Variants in LRP1B observed in about 807,000 individuals in gnomAD.
LRP1B encodes low-density lipoprotein receptor-related protein 1B.
In LRP1B, 217 loss-of-function variants were observed where a neutral mutation model predicts 556.6. That is an observed-to-expected ratio of 0.39 (90% CI 0.35 to 0.44). LRP1B has a LOEUF of 0.44. Ranked by LOEUF, LRP1B falls within the 20% of genes least tolerant of loss-of-function variation. The pLI is 1.00. For missense variants in LRP1B, 5,053 were observed against 5,620.8 expected, an observed-to-expected ratio of 0.90 and a Z score of 3.23; for synonymous variants, 2,047 against 1,865.8, an observed-to-expected ratio of 1.10 and a Z score of -2.50.
At chr2:141,688,251 A>G (rs948142915) in intron 2 of LRP1B, among the ~76,000 whole-genome samples, 1 of 151,676 alleles carries the variant, frequency 6.6e-6, no homozygotes, top group African/African-American at 2.4e-5. Flanking sequence ...TATTACACAG[A>G]CATAGGCTAT....
At chr2:141,556,221 T>C (rs1685956990) in intron 2 of LRP1B, among the ~76,000 whole-genome samples, 2 of 151,894 alleles carry the variant, frequency 1.3e-5, no homozygotes, top group African/African-American at 4.8e-5. Flanking sequence ...GACAATTAGC[T>C]GTACTTCCTT....
intron 2 of LRP1B, among the ~76,000 whole-genome samples, chr2:141,599,391 C>T (rs1317225430): frequency 4.6e-5 from 7 of 151,870 alleles, no homozygotes; most frequent in African/African-American, 1.2e-4. Context: ...ATCTTGATAA[C>T]GCAGATTTTA....
At position 140,960,754 on chromosome 2, in the gene LRP1B, T is replaced by C. The variant is rs1352686238; in HGVS notation, c.2888-8814A>G. On this transcript the variant is annotated intron_variant, in intron 18 of 90. Transcript: ENST00000389484. ...CTAAAAGTAAGATGTCCTAATATTT[T>C]ATTGAACTCCAATATATGATTATTT... 2.0e-5 allele frequency among the ~76,000 whole-genome samples: 3 copies of C among 151,952 alleles called. No individual in the cohort carries two copies. In the East Asian group the frequency reaches 5.8e-4, roughly 29 times the overall value.
intron 81 of LRP1B, among the ~76,000 whole-genome samples, chr2:140,323,320 A>AC (rs896351749): frequency 6.6e-5 from 10 of 151,988 alleles, no homozygotes; most frequent in African/African-American, 2.4e-5. Flanking sequence ...AGGGAGACTA[A>AC]CAATAAGTCA....
intron 1 of LRP1B, among the ~76,000 whole-genome samples, chr2:141,815,582 C>T (rs947328259): frequency 6.6e-6 from 1 of 152,018 alleles, no homozygotes; most frequent in African/African-American, 2.4e-5. Context: ...CCAATCAGCA[C>T]TCTGTAAAAT....
intron 2 of LRP1B, among the ~76,000 whole-genome samples, chr2:141,620,786 T>C (rs1341382959): frequency 6.6e-6 from 1 of 152,160 alleles, no homozygotes; most frequent in African/African-American, 2.4e-5. Context: ...GAAGACACCT[T>C]TTCAGAACCC....
chr2:141,585,775 TTAAA>T (rs1687115628), intron 2 of LRP1B, among the ~76,000 whole-genome samples: 1 of 152,198 alleles, frequency 6.6e-6, no homozygotes, highest in African/African-American at 2.4e-5. Context: ...AACAAATAAC[TTAAA>T]TAAATTTTCT....
At chr2:141,951,834 A>G (rs892679335) in intron 1 of LRP1B, among the ~76,000 whole-genome samples, 5 of 152,136 alleles carry the variant, frequency 3.3e-5, no homozygotes, top group African/African-American at 1.2e-4. Flanking sequence ...AAAGTTCAGA[A>G]GAATTTTTTT....
At chr2:140,657,596 T>TAC (rs1372237097) in intron 41 of LRP1B, among the ~76,000 whole-genome samples, 17 of 141,578 alleles carry the variant, frequency 1.2e-4, no homozygotes, top group Admixed American at 2.2e-4. Flanking sequence ...CATACATACA[T>TAC]ATATATACAT....
chr2:141,791,812 GTTAA>G (rs1178056703), intron 2 of LRP1B, among the ~76,000 whole-genome samples: 2 of 152,036 alleles, frequency 1.3e-5, no homozygotes, highest in Admixed American at 6.6e-5. Context: ...AATTGTAATG[GTTAA>G]TTAATTAATT....
chr2:141,858,610 T>C (rs866727649), intron 1 of LRP1B, among the ~76,000 whole-genome samples: 3 of 152,048 alleles, frequency 2.0e-5, no homozygotes, highest in African/African-American at 7.2e-5. Context: ...CTATTACTGT[T>C]ATTTTTTTAA....
intron 59 of LRP1B, among the ~76,000 whole-genome samples, chr2:140,476,921 A>C (rs1337978177): frequency 6.6e-6 from 1 of 152,078 alleles, no homozygotes; most frequent in Non-Finnish European, 1.5e-5. Context: ...TACTTTGAAA[A>C]TCTCAAATTA....
intron 1 of LRP1B, among the ~76,000 whole-genome samples, chr2:142,107,370 G>A (rs1193042959): frequency 6.6e-6 from 1 of 152,102 alleles, no homozygotes; most frequent in Non-Finnish European, 1.5e-5. Flanking sequence ...TCACAGGAGT[G>A]GGTTGCTGAT....
chr2:141,381,160 T>G (rs1689629084), intron 3 of LRP1B, among the ~76,000 whole-genome samples: 1 of 151,974 alleles, frequency 6.6e-6, no homozygotes, highest in Non-Finnish European at 1.5e-5. Flanking sequence ...CTCGCTGAGT[T>G]CAGGAAAGCA....
intron 3 of LRP1B, among the ~76,000 whole-genome samples, chr2:141,342,163 G>C (rs1179204881): frequency 6.7e-6 from 1 of 150,202 alleles, no homozygotes; most frequent in Non-Finnish European, 1.5e-5. Context: ...AGAATGGCGT[G>C]AACTTGGGAG....
rs902461291 is a variant in LRP1B, at chr2:140,708,602, C to T, written c.6024-6049G>A. ...TTTCATTTTATATATGTGTTTACAC[C>T]CTGCCTCATTGCCCATCCTCTCACT... On this transcript the variant is annotated intron_variant, in intron 37 of 90. Transcript: ENST00000389484. Among the ~76,000 whole-genome samples the T allele has an allele frequency of 2.6e-5, 4 of 151,318 alleles. No individual in the cohort carries two copies. The East Asian group carries it at 7.8e-4, about 29-fold the overall frequency.
intron 3 of LRP1B, among the ~76,000 whole-genome samples, chr2:141,467,122 AT>A (rs1682254974): frequency 0.039 from 130 of 3,308 alleles, 6 homozygotes; most frequent in African/African-American, 0.058. Context: ...ATATATATAT[AT>A]CTATATATAT....
chr2:140,891,349 C>G (rs1031302832), intron 23 of LRP1B, among the ~76,000 whole-genome samples: 1 of 152,096 alleles, frequency 6.6e-6, no homozygotes, highest in East Asian at 1.9e-4. Flanking sequence ...GAAAAAGAGT[C>G]CTTCTTCAGA....
intron 2 of LRP1B, among the ~76,000 whole-genome samples, chr2:141,617,762 ACT>A (rs1298654827): frequency 2.0e-5 from 3 of 152,164 alleles, no homozygotes; most frequent in African/African-American, 7.2e-5. Context: ...ACTTTTTGTC[ACT>A]TTTTATTTTA....
Sources: gnomAD v4.1 joint callset for allele counts (sites outside exome capture counted in the v4.1 genomes callset) on GRCh38, gnomAD v4.1.1 for gene constraint, MANE v1.5 for transcripts, NCBI Gene and HGNC (gene_info 2026-07-23, HGNC 2026-07-21) for gene names.